The following NPTN variants were observed in gnomAD, a reference collection of about 807,000 sequenced individuals.
The protein encoded by NPTN is SDR-1.
NPTN carries 5 observed loss-of-function variants against 42.7 expected under a neutral mutation model. That is an observed-to-expected ratio of 0.12 (90% confidence interval 0.06 to 0.25). NPTN has a LOEUF of 0.25. Among genes scored for constraint, NPTN ranks in the 10% least tolerant of loss-of-function variants. The probability of loss-of-function intolerance (pLI) is 1.00; values close to 1 mark genes in which losing one functional copy is unlikely to be tolerated. For missense variants in NPTN, 307 were observed against 525.4 expected (o/e 0.58, Z 4.06); for synonymous variants, 180 against 201.9 (o/e 0.89, Z 0.92).
At chr15:73,592,923 T>C (rs892792808) in intron 2 of NPTN, among the ~76,000 whole-genome samples, 9 of 152,192 alleles carry the variant, frequency 5.9e-5, no homozygotes, top group Non-Finnish European at 1.3e-4. Context: ...CACTCTTTTT[T>C]TAAGAGCTGG....
intron 1 of NPTN, among the ~76,000 whole-genome samples, chr15:73,614,098 G>C (rs1897736531): frequency 6.6e-6 from 1 of 151,174 alleles, no homozygotes; most frequent in Non-Finnish European, 1.5e-5. Context: ...GATCACTTGA[G>C]CTTAGGAACT....
intron 4 of NPTN, among the ~76,000 whole-genome samples, chr15:73,580,410 A>AT (rs1491285783): frequency 9.9e-6 from 1 of 100,770 alleles, no homozygotes; most frequent in African/African-American, 4.4e-5. Context: ...TTATATATAT[A>AT]ATATATATAT....
chr15:73,563,661 GT>G, intron 6 of NPTN: 1 of 706,136 alleles, frequency 1.4e-6, no homozygotes. Context: ...AATGCATGCA[GT>G]TTTGGCTCAA....
At chr15:73,616,657 T>C (rs1897876526) in intron 1 of NPTN, among the ~76,000 whole-genome samples, 1 of 152,192 alleles carries the variant, frequency 6.6e-6, no homozygotes, top group African/African-American at 2.4e-5. Flanking sequence ...CCTCAACTTG[T>C]TTCAGGTCTG....
At chr15:73,605,558 G>A (rs919926594) in intron 1 of NPTN, among the ~76,000 whole-genome samples, 8 of 151,626 alleles carry the variant, frequency 5.3e-5, no homozygotes, top group Non-Finnish European at 1.0e-4. Context: ...AAGAAAACTC[G>A]TCTCTACTAA....
At chr15:73,601,515 C>G (rs1897083542) in intron 1 of NPTN, among the ~76,000 whole-genome samples, 2 of 152,224 alleles carry the variant, frequency 1.3e-5, no homozygotes, top group South Asian at 2.1e-4. Flanking sequence ...GCCTGACTCA[C>G]TGCCCTGCCT....
At chr15:73,601,116 A>G (rs972074755) in intron 1 of NPTN, among the ~76,000 whole-genome samples, 2 of 152,212 alleles carry the variant, frequency 1.3e-5, no homozygotes, top group South Asian at 2.1e-4. Context: ...GTTCATACAT[A>G]GGGCAGGTGC....
chr15:73,595,802 G>A (rs1311882254), intron 2 of NPTN, among the ~76,000 whole-genome samples: 2 of 152,102 alleles, frequency 1.3e-5, no homozygotes. Flanking sequence ...TTGGTTCTGT[G>A]GTGGCTTCTC....
At chr15:73,627,758 C>T (rs1309703625) in intron 1 of NPTN, among the ~76,000 whole-genome samples, 1 of 152,174 alleles carries the variant, frequency 6.6e-6, no homozygotes, top group East Asian at 1.9e-4. Flanking sequence ...CAAATTTTGA[C>T]TCTCCTTCCT....
Position 73,597,096 on chromosome 15 carries a change from G to A in NPTN, c.365C>T (p.Pro122Leu). 6.2e-7 allele frequency: 1 copy of A among 1,614,128 alleles called. No individual in the cohort carries two copies. The highest frequency in any genetic ancestry group is 8.5e-7 in the Non-Finnish European group (1 of 1,180,018). ...GTTTTGCCTCAAGTCATTCCTCTTG[G>A]GGTCGTTGCTGGCCCTGCACTCGTA... ...GTYECRASND[P>L]KRNDLRQNPS... Residue 122 changes from proline (P) to leucine (L), a missense_variant, in exon 2 of 9, where the codon CCC becomes CTC. By Grantham distance (98) the Pro-to-Leu change is moderately conservative (BLOSUM62 -3). Around this residue, in one of 2 missense-constraint regions of NPTN, gnomAD observed 264 missense variants for 491.1 expected, o/e 0.54. Transcript: ENST00000345330. The surrounding 1 kb of genome is among the most constrained non-coding windows in gnomAD (Gnocchi z 6.3).
chr15:73,587,977 C>G (rs111586775), intron 3 of NPTN, among the ~76,000 whole-genome samples: 5,616 of 152,282 alleles, frequency 0.037, 166 homozygotes, highest in African/African-American at 0.077. Context: ...CACAGTGGCT[C>G]ACCCCTGTAA....
chr15:73,564,582 A>C (rs1016676587), intron 6 of NPTN, among the ~76,000 whole-genome samples: 2 of 152,210 alleles, frequency 1.3e-5, no homozygotes, highest in African/African-American at 4.8e-5. Context: ...AACAGTATAC[A>C]CTATCAAACG....
Position 73,633,243 on chromosome 15 carries a change from A to G in NPTN, c.-28T>C. ...TCCCTAGCAGAAGACCCAACAGCGAATGGGCCGGGGCCAGAGCCGGGGCCG... is the reference window on the plus strand; with the variant it reads ...TCCCTAGCAGAAGACCCAACAGCGAGTGGGCCGGGGCCAGAGCCGGGGCCG... On this transcript the variant is annotated 5_prime_UTR_variant, in exon 1 of 9. Transcript: ENST00000345330. 1 of 1,169,090 alleles carries G rather than the reference A, an allele frequency of 8.6e-7. No homozygotes were observed. Among genetic ancestry groups the G allele is most frequent in the Non-Finnish European group, 1.1e-6 (1 of 872,522 alleles). The allele number at this position is 1,169,090 out of a possible 1,614,324, so 72.4% of individuals were successfully genotyped here.
At chr15:73,615,621 T>C (rs1897826861) in intron 1 of NPTN, among the ~76,000 whole-genome samples, 1 of 152,200 alleles carries the variant, frequency 6.6e-6, no homozygotes, top group Non-Finnish European at 1.5e-5. Context: ...CACTTCTCTG[T>C]CATCAAGGTT....
intron 6 of NPTN, chr15:73,568,689 C>T: frequency 1.0e-6 from 1 of 985,532 alleles, no homozygotes; most frequent in Non-Finnish European, 1.2e-6. Context: ...TCCCAGGTTG[C>T]AGGAAACTAG....
intron 3 of NPTN, among the ~76,000 whole-genome samples, chr15:73,588,792 TATC>T (rs1423403541): frequency 1.3e-5 from 2 of 152,216 alleles, no homozygotes; most frequent in African/African-American, 4.8e-5. Flanking sequence ...TCACAATACT[TATC>T]ATGTGTGTGA....
At chr15:73,573,887 T>C (rs1895545626) in intron 4 of NPTN, 92 bp from the exon 5 acceptor site, 7 of 1,487,256 alleles carry the variant, frequency 4.7e-6, no homozygotes, top group East Asian at 2.4e-5. Context: ...CTGCTTGTAA[T>C]GTAGTCAGTC....
At chr15:73,567,560 G>C (rs967246875) in intron 6 of NPTN, 2 of 985,304 alleles carry the variant, frequency 2.0e-6, no homozygotes, top group African/African-American at 3.5e-5. Flanking sequence ...CACAGGGGTT[G>C]AGGGGAACTG....
intron 1 of NPTN, among the ~76,000 whole-genome samples, chr15:73,630,046 T>C (rs1357617525): frequency 3.9e-5 from 6 of 152,154 alleles, no homozygotes; most frequent in Non-Finnish European, 5.9e-5. Context: ...GTTTTCAATA[T>C]ACACATGAAG....
Sources: gnomAD v4.1 joint callset for allele counts (sites outside exome capture counted in the v4.1 genomes callset) on GRCh38, gnomAD v4.1.1 for gene constraint, gnomAD v4.1.1 regional missense constraint, Gnocchi (gnomAD v3.1) non-coding constraint, MANE v1.5 for transcripts, NCBI Gene and HGNC (gene_info 2026-07-23, HGNC 2026-07-21) for gene names.